ALK: variants seen among roughly 807,000 people sequenced by gnomAD.
The protein encoded by ALK is ALK receptor tyrosine kinase, also known as ALK tyrosine kinase receptor.
A neutral mutation model predicts 163.1 loss-of-function variants in ALK; 74 were observed. The observed-to-expected ratio is 0.45, with a 90% CI of 0.38 to 0.55. The LOEUF is 0.55. Among genes scored for constraint, ALK ranks in the 20% least tolerant of loss-of-function variants. The pLI is 0.00. For missense variants in ALK, 2,063 were observed against 2,105.3 expected (o/e 0.98, Z 0.39); for synonymous variants, 960 against 843.2 (o/e 1.14, Z -2.40).
intron 1 of ALK, among the ~76,000 whole-genome samples, chr2:29,881,446 C>A (rs1451345085): frequency 6.6e-6 from 1 of 152,134 alleles, no homozygotes; most frequent in Non-Finnish European, 1.5e-5. Flanking sequence ...TTCCAGGATG[C>A]AAGAAAGATA....
chr2:29,275,612 C>T, intron 9 of ALK, 116 bp from the exon 10 acceptor site: 1 of 1,021,312 alleles, frequency 9.8e-7, no homozygotes, highest in Non-Finnish European at 1.5e-6. Context: ...TTGAAAAAGG[C>T]TCGCTAATCC....
chr2:29,797,002 A>ACC (rs770306514), intron 1 of ALK, among the ~76,000 whole-genome samples: 105 of 132,064 alleles, frequency 8.0e-4, no homozygotes, highest in Non-Finnish European at 1.2e-3. Flanking sequence ...ACGCACACCC[A>ACC]CACACACACA....
intron 1 of ALK, among the ~76,000 whole-genome samples, chr2:29,905,591 GA>G (rs1667523444): frequency 6.6e-6 from 1 of 151,192 alleles, no homozygotes; most frequent in African/African-American, 2.4e-5. Context: ...GGCAAGGAAA[GA>G]AGGAAGGAAA....
chr2:29,314,932 C>T (rs1418075313), intron 8 of ALK, among the ~76,000 whole-genome samples: 3 of 152,088 alleles, frequency 2.0e-5, no homozygotes, highest in East Asian at 1.9e-4. Flanking sequence ...AAAGCCGAGG[C>T]GGATTCGAGC....
At chr2:29,832,601 C>T (rs1335866483) in intron 1 of ALK, among the ~76,000 whole-genome samples, 3 of 152,236 alleles carry the variant, frequency 2.0e-5, no homozygotes, top group Non-Finnish European at 4.4e-5. Flanking sequence ...AGCTTCTGAA[C>T]ATAGCTACTT....
rs183034903 is a variant in ALK, at chr2:29,538,218, T to C, written c.953-6102A>G. Among the ~76,000 whole-genome samples the C allele has an allele frequency of 1.9e-3, 285 of 152,232 alleles. 2 individuals carry two copies. Among genetic ancestry groups the C allele is most frequent in the African/African-American group, 6.5e-3 (268 of 41,536 alleles). On this transcript the variant is annotated intron_variant, in intron 3 of 28. Transcript: ENST00000389048. ...GGGGGCAGGGGTGAAATAATATGGTTTGGATGTGTTTGTCCCTCCAAATCT... is the reference window on the plus strand; with the variant it reads ...GGGGGCAGGGGTGAAATAATATGGTCTGGATGTGTTTGTCCCTCCAAATCT...
At chr2:29,780,463 A>G (rs969181222) in intron 1 of ALK, among the ~76,000 whole-genome samples, 5 of 152,226 alleles carry the variant, frequency 3.3e-5, no homozygotes, top group Non-Finnish European at 1.5e-5. Context: ...CTGAGCATGG[A>G]ACAAAACTGA....
chr2:29,411,520 C>T (rs947865781), intron 4 of ALK, among the ~76,000 whole-genome samples: 2 of 152,092 alleles, frequency 1.3e-5, no homozygotes, highest in East Asian at 1.9e-4. Flanking sequence ...CTATGTTGCT[C>T]AGGCTGGCCT....
intron 3 of ALK, among the ~76,000 whole-genome samples, chr2:29,544,898 CA>C (rs1673513924): frequency 6.6e-6 from 1 of 152,112 alleles, no homozygotes. Context: ...AACCAAGAAG[CA>C]AAGAAGTTCA....
chr2:29,749,055 C>T (rs1357702068), intron 1 of ALK, among the ~76,000 whole-genome samples: 7 of 152,074 alleles, frequency 4.6e-5, no homozygotes, highest in Admixed American at 3.9e-4. Context: ...GAAGGTGTGT[C>T]CTCTGGCCTG....
intron 4 of ALK, among the ~76,000 whole-genome samples, chr2:29,470,573 T>A (rs1346625468): frequency 3.3e-5 from 5 of 152,034 alleles, no homozygotes; most frequent in Non-Finnish European, 7.4e-5. Flanking sequence ...GAGAACAGAG[T>A]GATGTCTTTA....
chr2:29,895,808 G>A (rs1046297492), intron 1 of ALK, among the ~76,000 whole-genome samples: 1 of 152,040 alleles, frequency 6.6e-6, no homozygotes, highest in Non-Finnish European at 1.5e-5. Context: ...TCTTTTGGCC[G>A]ATGTGTTTTT....
intron 1 of ALK, among the ~76,000 whole-genome samples, chr2:29,841,292 C>G (rs900538535): frequency 6.6e-6 from 1 of 152,174 alleles, no homozygotes; most frequent in Non-Finnish European, 1.5e-5. Context: ...ATCCAACATG[C>G]AAGTGTTTTA....
At position 29,478,489 on chromosome 2, in the gene ALK, T is replaced by C. The variant is rs1671581375; in HGVS notation, c.1154+53426A>G. On this transcript the variant is annotated intron_variant, in intron 4 of 28. Coordinates refer to ENST00000389048, the MANE Select transcript of ALK (RefSeq NM_004304.5). Reference sequence around the variant, plus strand: ...ACAGGCGGAGGACTTGCCTCCCTGGTGGCCTTCTTTCCACGACTCCTCCTT... The same window carrying C: ...ACAGGCGGAGGACTTGCCTCCCTGGCGGCCTTCTTTCCACGACTCCTCCTT... 3.3e-5 allele frequency among the ~76,000 whole-genome samples: 5 copies of C among 152,222 alleles called. No homozygotes were observed. In the South Asian group the frequency reaches 1.0e-3, roughly 32 times the overall value.
chr2:29,841,892 C>G (rs1665711127), intron 1 of ALK, among the ~76,000 whole-genome samples: 1 of 152,152 alleles, frequency 6.6e-6, no homozygotes, highest in South Asian at 2.1e-4. Flanking sequence ...TTTGACCTAC[C>G]TCATCCTCCA....
intron 1 of ALK, among the ~76,000 whole-genome samples, chr2:29,835,301 A>C (rs1006802769): frequency 6.6e-6 from 1 of 152,202 alleles, no homozygotes; most frequent in Admixed American, 6.5e-5. Context: ...TTAAGACCTA[A>C]TAACATAAGG....
At chr2:29,742,255 A>C (rs888875910) in intron 1 of ALK, among the ~76,000 whole-genome samples, 2 of 152,220 alleles carry the variant, frequency 1.3e-5, no homozygotes, top group Admixed American at 1.3e-4. Flanking sequence ...GCTTGCTGAT[A>C]AACATCAGCA....
chr2:29,340,874 A>G (rs1443857611), intron 5 of ALK, among the ~76,000 whole-genome samples: 4 of 152,136 alleles, frequency 2.6e-5, no homozygotes, highest in Admixed American at 6.5e-5. Context: ...TCACAGATAC[A>G]TCGTCTCTCC....
intron 1 of ALK, among the ~76,000 whole-genome samples, chr2:29,806,104 CA>C (rs1664605403): frequency 1.3e-5 from 2 of 152,186 alleles, no homozygotes; most frequent in African/African-American, 4.8e-5. Flanking sequence ...AAATAAAAAT[CA>C]ATGCATTGTT....
Sources: allele counts gnomAD v4.1 joint callset (sites outside exome capture counted in the v4.1 genomes callset), GRCh38; gene constraint gnomAD v4.1.1; transcripts MANE v1.5; gene names NCBI Gene and HGNC (gene_info 2026-07-23, HGNC 2026-07-21).